Variants in KIAA0930 observed in about 807,000 individuals in gnomAD.
The protein encoded by KIAA0930 is uncharacterized protein KIAA0930.
KIAA0930 carries 24 observed loss-of-function variants against 43.9 expected under a neutral mutation model. The ratio of observed to expected loss-of-function variants is 0.55; its 90% CI spans 0.40 to 0.77. The LOEUF (loss-of-function observed/expected upper bound fraction) is 0.77. Ranked by LOEUF, KIAA0930 falls within the 30% of genes least tolerant of loss-of-function variation. The pLI, the probability that KIAA0930 is intolerant of heterozygous loss-of-function variation, is 0.00. For missense variants in KIAA0930, 461 were observed against 574.2 expected (o/e 0.80, Z 2.02); for synonymous variants, 259 against 216.4 (o/e 1.20, Z -1.73).
chr22:45,213,282 C>T (rs1210640117), intron 1 of KIAA0930: 2 of 1,297,508 alleles, frequency 1.5e-6, no homozygotes, highest in African/African-American at 3.0e-5. Flanking sequence ...GCCCTCTGCC[C>T]TCTGCCCTCA....
intron 1 of KIAA0930, chr22:45,212,537 C>A: frequency 7.1e-7 from 1 of 1,402,948 alleles, no homozygotes; most frequent in Non-Finnish European, 9.2e-7. Flanking sequence ...CCACCCACTC[C>A]CCCTGGCTGC....
chr22:45,230,425 G>T (rs1448833684), intron 1 of KIAA0930, among the ~76,000 whole-genome samples: 1 of 152,114 alleles, frequency 6.6e-6, no homozygotes, highest in African/African-American at 2.4e-5. Flanking sequence ...CCTTCTCCCT[G>T]AAGCAGGTCA....
chr22:45,224,948 G>A (rs1174987933), intron 1 of KIAA0930, among the ~76,000 whole-genome samples: 1 of 152,074 alleles, frequency 6.6e-6, no homozygotes, highest in African/African-American at 2.4e-5. Context: ...GGCGTCTGCC[G>A]TGGGGTGGCC....
intron 1 of KIAA0930, among the ~76,000 whole-genome samples, chr22:45,232,018 C>G (rs957919011): frequency 6.6e-6 from 1 of 152,128 alleles, no homozygotes; most frequent in African/African-American, 2.4e-5. Flanking sequence ...TTAACAGGCA[C>G]AAGGGTCTTG....
At chr22:45,220,651 G>A (rs551259474) in intron 1 of KIAA0930, among the ~76,000 whole-genome samples, 3 of 151,988 alleles carry the variant, frequency 2.0e-5, no homozygotes, top group Admixed American at 1.3e-4. Context: ...CTATGATCAC[G>A]ACACACTGCA....
At chr22:45,205,730 G>A (rs5766534) in intron 3 of KIAA0930, 23 bp from the exon 4 acceptor site, 172,709 of 1,613,654 alleles carry the variant, frequency 0.11, 9,970 homozygotes, top group East Asian at 0.14. Context: ...ACGGGTCAGC[G>A]TGCAGGGAGG....
At chr22:45,237,085 G>GAGGAGGCCCAGGGCCCAGT (rs1461224508) in intron 1 of KIAA0930, among the ~76,000 whole-genome samples, 1 of 152,280 alleles carries the variant, frequency 6.6e-6, no homozygotes, top group Non-Finnish European at 1.5e-5. Flanking sequence ...CAGGGCCCAG[G>GAGGAGGCCCAGGGCCCAGT]AGAAGGCCCA....
chr22:45,218,669 C>A (rs1319007174), intron 1 of KIAA0930, among the ~76,000 whole-genome samples: 1 of 152,078 alleles, frequency 6.6e-6, no homozygotes, highest in Non-Finnish European at 1.5e-5. Flanking sequence ...CCAACAGAGC[C>A]CATATCCTTC....
At chr22:45,237,872 T>C (rs1420602574) in intron 1 of KIAA0930, among the ~76,000 whole-genome samples, 1 of 151,594 alleles carries the variant, frequency 6.6e-6, no homozygotes, top group Non-Finnish European at 1.5e-5. Flanking sequence ...ATCAAGTTCC[T>C]AGTAAGCTCA....
intron 3 of KIAA0930, 29 bp downstream of exon 3, chr22:45,205,764 T>TC (rs1418683146): frequency 6.2e-7 from 1 of 1,601,060 alleles, no homozygotes; most frequent in Non-Finnish European, 8.6e-7. Context: ...ACAGGGCCAA[T>TC]CCGCAGCCCC....
intron 1 of KIAA0930, chr22:45,212,619 G>A (rs887607799): frequency 2.5e-5 from 32 of 1,287,040 alleles, no homozygotes; most frequent in South Asian, 4.1e-5. Context: ...AGCGGGAACC[G>A]CAGGGAGACA....
rs147709104 is a variant in KIAA0930, at chr22:45,221,981, G to A, written c.65-9874C>T. 3.3e-4 allele frequency among the ~76,000 whole-genome samples: 50 copies of A among 152,290 alleles called. No individual in the cohort carries two copies. The East Asian group carries it at 9.1e-3, about 28-fold the overall frequency. On this transcript the variant is annotated intron_variant, in intron 1 of 9. Transcript: ENST00000336156. ...ACTCCTGACCTCAGGTTATCTGCCC[G>A]CCTTGGCCTCCCAAAGTGCTGGGAT...
intron 1 of KIAA0930, among the ~76,000 whole-genome samples, chr22:45,215,404 T>C (rs571411426): frequency 6.6e-5 from 10 of 152,256 alleles, no homozygotes; most frequent in Non-Finnish European, 1.2e-4. Context: ...TAAAGAGCAT[T>C]TTCTCACTCC....
intron 1 of KIAA0930, among the ~76,000 whole-genome samples, chr22:45,214,665 T>C (rs2083720242): frequency 6.6e-6 from 1 of 152,010 alleles, no homozygotes; most frequent in Admixed American, 6.6e-5. Context: ...TCCCAGCACT[T>C]TGGGAGGCCA....
At position 45,196,858 on chromosome 22, in the gene KIAA0930, G is replaced by A; in HGVS notation, c.*318C>T. On this transcript the variant is annotated 3_prime_UTR_variant, in exon 10 of 10. Transcript: ENST00000336156. The surrounding 1 kb of genome is among the most constrained non-coding windows in gnomAD (Gnocchi z 4.1). ...CGCTCTGGCCCCGCTCTGGGCATCAGCTGCTCCTTCCGCTCTCTCTCATGG... is the reference window on the plus strand; with the variant it reads ...CGCTCTGGCCCCGCTCTGGGCATCAACTGCTCCTTCCGCTCTCTCTCATGG... 1 of 357,166 alleles carries A rather than the reference G, an allele frequency of 2.8e-6. No homozygotes were observed. Among genetic ancestry groups the A allele is most frequent in the Non-Finnish European group, 5.1e-6 (1 of 197,426 alleles). 22.1% of individuals were successfully genotyped at this position (357,166 alleles called of 1,614,324 possible). A position where few individuals can be genotyped will look rare whatever the true frequency, so the allele number is the denominator to read the frequency against.
intron 1 of KIAA0930, among the ~76,000 whole-genome samples, chr22:45,222,655 C>T (rs950582133): frequency 2.0e-5 from 3 of 151,778 alleles, no homozygotes; most frequent in Non-Finnish European, 1.5e-5. Context: ...CCCCGCCCCC[C>T]CACCACCACA....
At chr22:45,223,309 T>C (rs2083778431) in intron 1 of KIAA0930, among the ~76,000 whole-genome samples, 1 of 152,242 alleles carries the variant, frequency 6.6e-6, no homozygotes, top group South Asian at 2.1e-4. Context: ...TTAGAGGTTT[T>C]TCCTATTAAA....
In KIAA0930 at chr22:45,197,203, A is replaced by G; in HGVS notation, c.1188T>C (p.Val396=). ...AGGTCATCAGGATGGGCTTCTGCCG[A>G]ACTTCCAGGATGTCTAGGGCCGGCA... ...LHRILTDILE[V]RQKPILMT is the part of the protein sequence containing the mutation. Residue 396 remains valine, a synonymous_variant, in exon 10 of 10, where the codon GTT becomes GTC. Coordinates refer to ENST00000336156, the MANE Select transcript of KIAA0930 (RefSeq NM_001009880.2). 1 of 1,550,404 alleles carries G rather than the reference A, an allele frequency of 6.4e-7. No homozygotes were observed. The highest frequency in any genetic ancestry group is 8.7e-7 in the Non-Finnish European group (1 of 1,146,420).
chr22:45,213,305 A>G lies in KIAA0930; in HGVS notation c.65-1198T>C, dbSNP rs970342237. On this transcript the variant is annotated intron_variant, in intron 1 of 9. Transcript: ENST00000336156. ...CCCTCTGCCCTCAGCCCTCTGCCCA[A>G]CAGTGTGTTGCTCACCCACTCCCAT... The G allele has an allele frequency of 2.3e-6, 3 of 1,302,634 alleles. No individual in the cohort carries two copies. The African/African-American group carries it at 4.6e-5, about 20-fold the overall frequency. 80.7% of individuals were successfully genotyped at this position (1,302,634 alleles called of 1,614,324 possible).
Sources: gnomAD v4.1 joint callset for allele counts (sites outside exome capture counted in the v4.1 genomes callset) on GRCh38, gnomAD v4.1.1 for gene constraint, Gnocchi (gnomAD v3.1) non-coding constraint, MANE v1.5 for transcripts, NCBI Gene and HGNC (gene_info 2026-07-23, HGNC 2026-07-21) for gene names.